ATAD5: variants seen among roughly 807,000 people sequenced by gnomAD.
ATAD5 encodes ATPase family AAA domain-containing protein 5.
In ATAD5, 58 loss-of-function variants were observed where a neutral mutation model predicts 176.9. That is an observed-to-expected ratio of 0.33 (90% CI 0.27 to 0.41). The LOEUF (loss-of-function observed/expected upper bound fraction) is 0.41, where lower values mean the gene tolerates loss of function less well. Among genes scored for constraint, ATAD5 ranks in the 10% least tolerant of loss-of-function variants. ATAD5 has a pLI of 1.00. For missense variants in ATAD5, 1,789 were observed against 2,094.1 expected (o/e 0.85, Z 2.84); for synonymous variants, 640 against 712.6 (o/e 0.90, Z 1.62).
chr17:30,873,547 A>G (rs1908462521), intron 14 of ATAD5, among the ~76,000 whole-genome samples: 1 of 151,922 alleles, frequency 6.6e-6, no homozygotes, highest in South Asian at 2.1e-4. Flanking sequence ...CGAACTCCTA[A>G]CCTCAGGTGA....
At position 30,878,718 on chromosome 17, in the gene ATAD5, G is replaced by GTTTTTTTTTTTTTTTTT. The variant is rs71142005; in HGVS notation, c.4012+636_4012+652dup. 1.8e-4 allele frequency among the ~76,000 whole-genome samples: 10 copies of GTTTTTTTTTTTTTTTTT among 56,834 alleles called. 3 individuals carry two copies. The highest frequency in any genetic ancestry group is 8.9e-4 in the South Asian group (1 of 1,124). 37.3% of individuals were successfully genotyped at this position (56,834 alleles called of 152,430 possible). On this transcript the variant is annotated intron_variant, in intron 17 of 22. Transcript: ENST00000321990. ...TCTTATTAATCAGAAGTTAGGTGGT[G>GTTTTTTTTTTTTTTTTT]TTTTTTTTTTTTTTTTTTTTTTTTT...
chr17:30,872,170 C>G (rs1183341237), intron 14 of ATAD5, among the ~76,000 whole-genome samples: 1 of 152,114 alleles, frequency 6.6e-6, no homozygotes, highest in Admixed American at 6.6e-5. Flanking sequence ...CTGCCTTGGC[C>G]TCCCGTAGTG....
rs150038190 is a variant in ATAD5, at chr17:30,848,956, C to T, written c.2450+4040C>T. ...CATGATCTTGGCTCACTGCAGTCTC[C>T]GCCTTCCGGGTTCAAGTGATTCTTG... On this transcript the variant is annotated intron_variant, in intron 6 of 22. Coordinates refer to ENST00000321990, the MANE Select transcript of ATAD5 (RefSeq NM_024857.5). Among the ~76,000 whole-genome samples the T allele has an allele frequency of 4.0e-3, 604 of 152,208 alleles. 4 individuals are homozygous for T. Among genetic ancestry groups the T allele is most frequent in the African/African-American group, 0.014 (566 of 41,530 alleles).
chr17:30,841,686 T>A (rs1319848132), intron 4 of ATAD5, among the ~76,000 whole-genome samples: 1 of 152,198 alleles, frequency 6.6e-6, no homozygotes, highest in African/African-American at 2.4e-5. Flanking sequence ...CCTGCTTCTG[T>A]CTCTGTAGAT....
At chr17:30,837,126 T>C (rs1294332353) in intron 2 of ATAD5, 80 bp from the exon 3 acceptor site, 2 of 795,698 alleles carry the variant, frequency 2.5e-6, no homozygotes, top group Non-Finnish European at 3.8e-6. Flanking sequence ...GCACCAGCTC[T>C]ATTTTATCTA....
intron 6 of ATAD5, among the ~76,000 whole-genome samples, chr17:30,852,104 T>C (rs1251531561): frequency 3.9e-5 from 6 of 152,234 alleles, no homozygotes; most frequent in Non-Finnish European, 7.3e-5. Context: ...AGTCATTCTT[T>C]CTTTGTTAGT....
At chr17:30,844,962 G>A (rs776466434) in intron 6 of ATAD5, 46 bp downstream of exon 6, 2 of 1,430,316 alleles carry the variant, frequency 1.4e-6, no homozygotes, top group South Asian at 1.3e-5. Context: ...TTTATAGAAT[G>A]TATTTGTATT....
Position 30,865,749 on chromosome 17 carries a change from A to T in ATAD5, c.3182A>T (p.Gln1061Leu), listed in dbSNP as rs1907941865. The T allele has an allele frequency of 6.3e-7, 1 of 1,596,202 alleles. No individual in the cohort carries two copies. Among genetic ancestry groups the T allele is most frequent in the African/African-American group, 1.4e-5 (1 of 73,714 alleles). The change falls in exon 11 of 23, where the codon CAG becomes CTG. Residue 1061 changes from glutamine to leucine, a missense_variant. Gln to Leu is a moderately radical substitution (Grantham distance 113). Around this residue, in one of 6 missense-constraint regions of ATAD5, gnomAD observed 487 missense variants for 573.6 expected, o/e 0.85. Transcript: ENST00000321990. ...CTTTGGACAGAAAAGTATCAACCTC[A>T]GACTGCCAGTGAACTTATAGGAAAT... The part of the protein sequence containing the change: ...DMLWTEKYQP[Q>L]TASELIGNEL...
chr17:30,872,437 T>C (rs1158055237), intron 14 of ATAD5, among the ~76,000 whole-genome samples: 1 of 152,158 alleles, frequency 6.6e-6, no homozygotes, highest in Non-Finnish European at 1.5e-5. Context: ...AATTTTAGAC[T>C]TGAGAGGGAC....
Position 30,885,778 on chromosome 17 carries a change from C to T in ATAD5, c.4078-1414C>T, listed in dbSNP as rs145158935. On this transcript the variant is annotated intron_variant, in intron 18 of 22. Transcript: ENST00000321990. ...CCTCCCGAGTAGCTGGGATTATAGG[C>T]AAGTGCCACCATGCCTGGCTAATTT... 8.3e-3 allele frequency among the ~76,000 whole-genome samples: 1,261 copies of T among 151,700 alleles called. 7 individuals are homozygous for T. The highest frequency in any genetic ancestry group is 0.028 in the South Asian group (132 of 4,786).
intron 18 of ATAD5, among the ~76,000 whole-genome samples, chr17:30,880,765 T>C (rs548231213): frequency 1.2e-4 from 19 of 152,294 alleles, no homozygotes; most frequent in African/African-American, 4.6e-4. Flanking sequence ...TAGGCTTCAA[T>C]GTTCACTAGG....
chr17:30,840,217 A>AAC (rs1555553063), intron 3 of ATAD5, among the ~76,000 whole-genome samples: 12 of 148,056 alleles, frequency 8.1e-5, no homozygotes, highest in African/African-American at 2.3e-4. Context: ...AAAAAAAAAA[A>AAC]AACAACCTTG....
chr17:30,869,466 C>T (rs151214896), intron 13 of ATAD5, 30 bp from the exon 14 acceptor site: 1 of 1,609,212 alleles, frequency 6.2e-7, no homozygotes, highest in East Asian at 2.2e-5. Flanking sequence ...AACCATTCTC[C>T]CTTCGTTTTT....
In ATAD5 at chr17:30,835,945, C is replaced by T. The variant is rs1389643881; in HGVS notation, c.1864C>T (p.Gln622Ter). ...TTCTGACGATGTACAAGATAATAGT[C>T]AACTAAAGGCTTCCACTCAAAAAGC... ...IDSDDVQDNS[Q>*]LKASTQKAAN... Residue 622 changes from glutamine to a stop codon, truncating the protein, a stop_gained, in exon 2 of 23, where the codon CAA becomes TAA. Coordinates refer to ENST00000321990, the MANE Select transcript of ATAD5 (RefSeq NM_024857.5). LOFTEE classifies it high-confidence loss of function. 1.2e-6 allele frequency: 2 copies of T among 1,613,918 alleles called. No individual in the cohort carries two copies. Among genetic ancestry groups the T allele is most frequent in the Admixed American group, 3.3e-5 (2 of 59,970 alleles).
At chr17:30,890,905 A>G (rs1909605232) in intron 19 of ATAD5, among the ~76,000 whole-genome samples, 1 of 151,964 alleles carries the variant, frequency 6.6e-6, no homozygotes, top group Non-Finnish European at 1.5e-5. Flanking sequence ...ATATGTTGTT[A>G]TTTTTAAGTT....
At chr17:30,860,752 T>C in intron 10 of ATAD5, 140 bp downstream of exon 10, 3 of 790,240 alleles carry the variant, frequency 3.8e-6, no homozygotes, top group South Asian at 5.3e-5. Context: ...TTCTTTTTCT[T>C]TTTTGAGACA....
intron 19 of ATAD5, among the ~76,000 whole-genome samples, chr17:30,890,691 G>A (rs1274214862): frequency 6.6e-6 from 1 of 151,616 alleles, no homozygotes; most frequent in East Asian, 1.9e-4. Flanking sequence ...AAAGTGCTGG[G>A]ATTACAGGCA....
intron 6 of ATAD5, 130 bp from the exon 7 acceptor site, chr17:30,855,013 C>T: frequency 1.2e-6 from 1 of 813,370 alleles, no homozygotes; most frequent in South Asian, 2.1e-5. Flanking sequence ...CCCACCTCTG[C>T]CTCTCAAAGT....
At chr17:30,849,375 C>T (rs905254141) in intron 6 of ATAD5, among the ~76,000 whole-genome samples, 4 of 152,186 alleles carry the variant, frequency 2.6e-5, no homozygotes, top group East Asian at 1.9e-4. Flanking sequence ...GGGACTCAAA[C>T]GTGCACCGCT....
Sources: allele counts gnomAD v4.1 joint callset (sites outside exome capture counted in the v4.1 genomes callset), GRCh38; gene constraint gnomAD v4.1.1; regional missense constraint gnomAD v4.1.1; transcripts MANE v1.5; gene names NCBI Gene and HGNC (gene_info 2026-07-23, HGNC 2026-07-21).